ADGRG6: variants seen among roughly 807,000 people sequenced by gnomAD.
ADGRG6 encodes G-protein coupled receptor 126.
In ADGRG6, 84 loss-of-function variants were observed where a neutral mutation model predicts 142.4. The ratio of observed to expected loss-of-function variants is 0.59; its 90% CI spans 0.49 to 0.71. The LOEUF (loss-of-function observed/expected upper bound fraction) is 0.71. Ranked by LOEUF, ADGRG6 falls within the 30% of genes least tolerant of loss-of-function variation. The probability of loss-of-function intolerance (pLI) is 0.00; values close to 1 mark genes in which losing one functional copy is unlikely to be tolerated. For missense variants in ADGRG6, 1,367 were observed against 1,466.6 expected (o/e 0.93, Z 1.11); for synonymous variants, 521 against 520.5 (o/e 1.00, Z -0.01).
chr6:142,305,857 T>C (rs1777468767), intron 1 of ADGRG6, among the ~76,000 whole-genome samples: 1 of 152,044 alleles, frequency 6.6e-6, no homozygotes, highest in African/African-American at 2.4e-5. Flanking sequence ...GAAGTGGAGG[T>C]ACACCCAGCT....
rs1216263535 is a variant in ADGRG6, at chr6:142,441,209, C to T, written c.3575-2128C>T. 4.6e-5 allele frequency among the ~76,000 whole-genome samples: 7 copies of T among 152,032 alleles called. No individual in the cohort carries two copies. The East Asian group carries it at 1.3e-3, about 29-fold the overall frequency. On this transcript the variant is annotated intron_variant, in intron 24 of 24. Transcript: ENST00000367609. The stretch of plus-strand genomic sequence containing the variant: ...GTACCATGGTCTGGAGTGAGTGGAG[C>T]ACATATTATGTAAAATAATGACAGA...
At chr6:142,432,046 A>G (rs1391580093) in intron 22 of ADGRG6, among the ~76,000 whole-genome samples, 1 of 152,142 alleles carries the variant, frequency 6.6e-6, no homozygotes, top group Non-Finnish European at 1.5e-5. Context: ...CTATAAGTAG[A>G]TGGAGGAAAA....
intron 6 of ADGRG6, among the ~76,000 whole-genome samples, chr6:142,388,070 C>T (rs1782119859): frequency 6.6e-6 from 1 of 152,114 alleles, no homozygotes. Context: ...ATAAGTGTGT[C>T]TTAATTATGC....
At position 142,405,837 on chromosome 6, in the gene ADGRG6, A is replaced by G. The variant is rs533070491; in HGVS notation, c.2268+9A>G. On this transcript the variant is annotated intron_variant, in intron 15 of 24. Transcript: ENST00000367609. ...AAACTGGACTTTTCCAGGTAAGCAC[A>G]TTCATTAAATTATTGTTTTTCAACT... 27 of 1,555,404 alleles carry G rather than the reference A, an allele frequency of 1.7e-5. No homozygotes were observed. The African/African-American group carries it at 2.1e-4, about 12-fold the overall frequency.
intron 2 of ADGRG6, among the ~76,000 whole-genome samples, chr6:142,312,697 T>C (rs912748954): frequency 2.6e-5 from 4 of 152,126 alleles, no homozygotes; most frequent in African/African-American, 9.7e-5. Flanking sequence ...CACTCTCACA[T>C]GTAGGCATAT....
chr6:142,348,743 T>C (rs991831495), intron 2 of ADGRG6, among the ~76,000 whole-genome samples: 16 of 152,198 alleles, frequency 1.1e-4, no homozygotes, highest in African/African-American at 3.9e-4. Flanking sequence ...TCTACCTTGA[T>C]TGGTATTCTA....
chr6:142,303,597 G>C (rs920544239), intron 1 of ADGRG6, among the ~76,000 whole-genome samples: 12 of 152,104 alleles, frequency 7.9e-5, no homozygotes, highest in African/African-American at 2.7e-4. Flanking sequence ...TTTATTTTGG[G>C]ATACAGCCAG....
chr6:142,309,836 T>G (rs1311287562), intron 2 of ADGRG6, among the ~76,000 whole-genome samples, 192 bp downstream of exon 2: 3 of 151,782 alleles, frequency 2.0e-5, no homozygotes, highest in African/African-American at 7.2e-5. Context: ...GAATACTGTT[T>G]CTTTGATCAT....
intron 2 of ADGRG6, among the ~76,000 whole-genome samples, chr6:142,360,955 A>G (rs551154559): frequency 1.2e-4 from 19 of 152,266 alleles, no homozygotes; most frequent in Admixed American, 1.1e-3. Flanking sequence ...CCCAGCCTCT[A>G]CATTTGCTCT....
At chr6:142,305,514 C>T (rs1163266508) in intron 1 of ADGRG6, among the ~76,000 whole-genome samples, 1 of 149,920 alleles carries the variant, frequency 6.7e-6, no homozygotes, top group African/African-American at 2.5e-5. Flanking sequence ...TGCATAAGGG[C>T]TTAAGAGTTT....
At chr6:142,430,944 T>G (rs1320040913) in intron 22 of ADGRG6, among the ~76,000 whole-genome samples, 1 of 152,208 alleles carries the variant, frequency 6.6e-6, no homozygotes, top group Non-Finnish European at 1.5e-5. Context: ...TTGATAAATT[T>G]TCTGTCCTAA....
At position 142,318,217 on chromosome 6, in the gene ADGRG6, T is replaced by TA. The variant is rs1491015799; in HGVS notation, c.103+8573_103+8574insA. Among the ~76,000 whole-genome samples the TA allele has an allele frequency of 2.3e-3, 100 of 42,842 alleles. 3 individuals are homozygous for TA. Among genetic ancestry groups the TA allele is most frequent in the African/African-American group, 9.2e-3 (95 of 10,332 alleles). The allele number at this position is 42,842 out of a possible 152,430, so 28.1% of individuals were successfully genotyped here. A position where few individuals can be genotyped will look rare whatever the true frequency, so the allele number is the denominator to read the frequency against. On this transcript the variant is annotated intron_variant, in intron 2 of 24. Coordinates refer to ENST00000367609, the MANE Select transcript of ADGRG6 (RefSeq NM_198569.3). ...TATTTATATTATATATATTTATATA[T>TA]TATATATATTTATATTATATATATT...
At chr6:142,362,485 C>T (rs1169933685) in intron 2 of ADGRG6, among the ~76,000 whole-genome samples, 2 of 152,100 alleles carry the variant, frequency 1.3e-5, no homozygotes, top group Non-Finnish European at 2.9e-5. Context: ...TTAAGAAAGA[C>T]CCTCCTCAAG....
At chr6:142,409,497 C>T (rs1583110090) in intron 16 of ADGRG6, among the ~76,000 whole-genome samples, 1 of 152,000 alleles carries the variant, frequency 6.6e-6, no homozygotes, top group East Asian at 1.9e-4. Flanking sequence ...TTGTCGAGTC[C>T]TTGTTTTCAA....
At chr6:142,425,325 T>C (rs1449867244) in intron 22 of ADGRG6, among the ~76,000 whole-genome samples, 1 of 152,160 alleles carries the variant, frequency 6.6e-6, no homozygotes, top group African/African-American at 2.4e-5. Flanking sequence ...TATTTTAGAC[T>C]GTGGTGGGGA....
chr6:142,332,532 T>A (rs1779110761), intron 2 of ADGRG6, among the ~76,000 whole-genome samples: 1 of 150,982 alleles, frequency 6.6e-6, no homozygotes, highest in South Asian at 2.1e-4. Flanking sequence ...TTAAGCAGAG[T>A]TGACGTTCTG....
chr6:142,426,440 G>A (rs1406253663), intron 22 of ADGRG6, among the ~76,000 whole-genome samples: 2 of 152,196 alleles, frequency 1.3e-5, no homozygotes, highest in Non-Finnish European at 2.9e-5. Flanking sequence ...ACTGATGCAA[G>A]AGGTGGGTTC....
Position 142,390,250 on chromosome 6 carries a change from A to G in ADGRG6, c.1223-8A>G. 1.4e-6 allele frequency: 2 copies of G among 1,467,442 alleles called. No homozygotes were observed. The highest frequency in any genetic ancestry group is 1.2e-5 in the South Asian group (1 of 81,248). 90.9% of individuals were successfully genotyped at this position (1,467,442 alleles called of 1,614,324 possible). ...AATTAATGGACTAATCCTATTTCCA[A>G]TGGGCAGATGGAATTATCTATAGAA... On this transcript the variant is annotated splice_polypyrimidine_tract_variant and splice_region_variant and intron_variant, in intron 6 of 24. Transcript: ENST00000367609.
At chr6:142,372,937 C>T (rs1248361020) in intron 4 of ADGRG6, among the ~76,000 whole-genome samples, 1 of 152,160 alleles carries the variant, frequency 6.6e-6, no homozygotes, top group Non-Finnish European at 1.5e-5. Flanking sequence ...GCAACCAAAA[C>T]AAATATGGCT....
Sources: allele counts gnomAD v4.1 joint callset (sites outside exome capture counted in the v4.1 genomes callset), GRCh38; gene constraint gnomAD v4.1.1; transcripts MANE v1.5; gene names NCBI Gene and HGNC (gene_info 2026-07-23, HGNC 2026-07-21).